CBR4: variants seen among roughly 807,000 people sequenced by gnomAD.
The protein encoded by CBR4 is 3-oxoacyl-[acyl-carrier-protein] reductase.
A neutral mutation model predicts 21.0 loss-of-function variants in CBR4; 22 were observed. The observed-to-expected ratio is 1.05, with a 90% CI of 0.75 to 1.50. The LOEUF (loss-of-function observed/expected upper bound fraction) is 1.50, where lower values mean the gene tolerates loss of function less well. CBR4 is among the 40% of genes most tolerant of loss of function. CBR4 has a pLI of 0.00. For missense variants in CBR4, 302 were observed against 286.3 expected, an observed-to-expected ratio of 1.05 and a Z score of -0.40; for synonymous variants, 100 against 104.4, an observed-to-expected ratio of 0.96 and a Z score of 0.26.
At chr4:168,943,931 A>AAAAAC (rs1294336459) in intron 2 of CBR4, among the ~76,000 whole-genome samples, 5 of 152,050 alleles carry the variant, frequency 3.3e-5, no homozygotes, top group African/African-American at 1.2e-4. Context: ...AAACAAAAAC[A>AAAAAC]AAAAACAAAA....
chr4:168,959,561 CTTTTTTTTTTTT>C (rs750848079), intron 2 of CBR4, among the ~76,000 whole-genome samples: 1 of 50,880 alleles, frequency 2.0e-5, no homozygotes, highest in Non-Finnish European at 4.4e-5. Flanking sequence ...TTATCAATTT[CTTTTTTTTTTTT>C]TTTTTTTTTG....
At chr4:168,915,327 CAG>C (rs1050764133) in intron 2 of CBR4, among the ~76,000 whole-genome samples, 1 of 152,160 alleles carries the variant, frequency 6.6e-6, no homozygotes, top group African/African-American at 2.4e-5. Context: ...TTAAAAGTGA[CAG>C]AGATGCACAG....
chr4:169,006,783 T>C lies in CBR4; in HGVS notation c.372A>G (p.Gln124=). The change falls in exon 3 of 5, where the codon CAA becomes CAG. Residue 124 remains glutamine, a synonymous_variant. Coordinates refer to ENST00000306193, the MANE Select transcript of CBR4 (RefSeq NM_032783.5). ...TCKAAMRTMI[Q]QQGGSIVNVG... ...CATTAACAATAGACCCTCCCTGTTGTTGAATCATAGTCCTCATGGCAGCTT... is the reference window on the plus strand; with the variant it reads ...CATTAACAATAGACCCTCCCTGTTGCTGAATCATAGTCCTCATGGCAGCTT... 1.2e-6 allele frequency: 2 copies of C among 1,614,024 alleles called. No individual in the cohort carries two copies. Among genetic ancestry groups the C allele is most frequent in the Non-Finnish European group, 1.7e-6 (2 of 1,179,884 alleles).
Position 168,894,573 on chromosome 4 carries a change from G to A in CBR4, n.362C>T. On this transcript the variant is annotated non_coding_transcript_exon_variant, in exon 3 of 4. Transcript: ENST00000509108. ...TTTTGTATTTTTTGTGACTTACGTT[G>A]TTTAGAGGTTAACATACGAAGAAAG... 6.3e-7 allele frequency: 1 copy of A among 1,596,022 alleles called. No homozygotes were observed. The highest frequency in any genetic ancestry group is 1.1e-5 in the South Asian group (1 of 90,652).
chr4:168,928,111 T>G (rs962613996), intron 2 of CBR4: 1 of 194,478 alleles, frequency 5.1e-6, no homozygotes, highest in Non-Finnish European at 1.1e-5. Flanking sequence ...TGGCAGATGT[T>G]CTATGCAGTG....
At chr4:168,961,690 G>A (rs973205518) in intron 2 of CBR4, among the ~76,000 whole-genome samples, 10 of 152,146 alleles carry the variant, frequency 6.6e-5, no homozygotes, top group African/African-American at 2.4e-4. Flanking sequence ...AGGAGTTCGC[G>A]ACCAGCCAGG....
chr4:168,923,666 G>GTAAT (rs2126554721), intron 2 of CBR4, among the ~76,000 whole-genome samples: 1 of 151,674 alleles, frequency 6.6e-6, no homozygotes, highest in South Asian at 2.1e-4. Context: ...AGTGGAATTT[G>GTAAT]TAATTTATAG....
At chr4:168,959,513 T>A (rs1485570986) in intron 2 of CBR4, among the ~76,000 whole-genome samples, 4 of 151,874 alleles carry the variant, frequency 2.6e-5, no homozygotes, top group Non-Finnish European at 2.9e-5. Context: ...CTTTGGCTAA[T>A]CTCGGTGGTT....
At chr4:169,002,275 T>G (rs1001440434) in intron 3 of CBR4, 70 bp from the exon 4 acceptor site, 14 of 1,311,690 alleles carry the variant, frequency 1.1e-5, no homozygotes, top group Non-Finnish European at 1.4e-5. Flanking sequence ...CTTGAAAATT[T>G]AGATAATTTA....
At chr4:168,928,322 TTTATA>T (rs1206439433) in intron 2 of CBR4, 13 of 95,062 alleles carry the variant, frequency 1.4e-4, no homozygotes, top group Non-Finnish European at 2.8e-4. Flanking sequence ...TTATATTGTA[TTTATA>T]AAAAAAAAAG....
At chr4:168,964,947 G>A (rs573199563) in intron 2 of CBR4, among the ~76,000 whole-genome samples, 14 of 152,004 alleles carry the variant, frequency 9.2e-5, no homozygotes, top group African/African-American at 3.4e-4. Flanking sequence ...TTTTGTTTTT[G>A]TTTTGGTATC....
chr4:168,934,290 A>C (rs1482939579), intron 2 of CBR4, among the ~76,000 whole-genome samples: 3 of 146,386 alleles, frequency 2.0e-5, no homozygotes, highest in African/African-American at 7.8e-5. Context: ...AACAAAAAAA[A>C]AAAAAAAAAA....
intron 2 of CBR4, among the ~76,000 whole-genome samples, chr4:168,935,039 G>C: frequency 6.6e-6 from 1 of 152,210 alleles, no homozygotes; most frequent in East Asian, 1.9e-4. Context: ...GATCAATGCA[G>C]AAGGCAGGTG....
chr4:168,953,815 T>TA (rs1460920687), intron 2 of CBR4, among the ~76,000 whole-genome samples: 1 of 152,110 alleles, frequency 6.6e-6, no homozygotes, highest in Non-Finnish European at 1.5e-5. Flanking sequence ...GACAGGGATC[T>TA]AAATAATACA....
intron 2 of CBR4, among the ~76,000 whole-genome samples, chr4:168,956,689 C>T (rs1293707228): frequency 6.8e-6 from 1 of 147,904 alleles, no homozygotes; most frequent in African/African-American, 2.5e-5. Flanking sequence ...AGTACCTTAA[C>T]GCTATTTCAT....
rs750223757 is a variant in CBR4, at chr4:168,990,286, T to C, written c.578A>G (p.His193Arg). ...CCCAAGAGGAATATTTTTCTTTAAA[T>C]GTTCTTCTTTCAAGTCTTTCGTCAT... ...TDMTKDLKEEHLKKNIPLGRF... is the reference protein window; with the variant it reads ...TDMTKDLKEERLKKNIPLGRF... Residue 193 changes from histidine to arginine, a missense_variant, in exon 5 of 5, where the codon CAT becomes CGT. Coordinates refer to ENST00000306193, the MANE Select transcript of CBR4 (RefSeq NM_032783.5). 2 of 1,612,026 alleles carry C rather than the reference T, an allele frequency of 1.2e-6. No homozygotes were observed. The highest frequency in any genetic ancestry group is 1.7e-5 in the Admixed American group (1 of 59,780).
chr4:168,909,763 A>G (rs541174805), intron 2 of CBR4, among the ~76,000 whole-genome samples: 2 of 152,324 alleles, frequency 1.3e-5, no homozygotes, highest in African/African-American at 2.4e-5. Flanking sequence ...TGCTAATTCT[A>G]TATGACCTTT....
At chr4:169,003,086 C>T (rs1730596781) in intron 3 of CBR4, among the ~76,000 whole-genome samples, 1 of 152,160 alleles carries the variant, frequency 6.6e-6, no homozygotes, top group African/African-American at 2.4e-5. Context: ...TTCTTCAGCT[C>T]ATGGATCAAG....
At position 168,989,001 on chromosome 4, in the gene CBR4, T is replaced by C; in HGVS notation, c.*1149A>G. ...AAAAGAGTTTAATGCAAAATAATTA[T>C]TACCTGGTATTTCACATTCGGTTTG... On this transcript the variant is annotated 3_prime_UTR_variant, in exon 5 of 5. Transcript: ENST00000306193. 1 of 982,646 alleles carries C rather than the reference T, an allele frequency of 1.0e-6. No individual in the cohort carries two copies. The highest frequency in any genetic ancestry group is 4.7e-5 in the South Asian group (1 of 21,228). The allele number at this position is 982,646 out of a possible 1,614,324, so 60.9% of individuals were successfully genotyped here. A position where few individuals can be genotyped will look rare whatever the true frequency, so the allele number is the denominator to read the frequency against.
Sources: allele counts gnomAD v4.1 joint callset (sites outside exome capture counted in the v4.1 genomes callset), GRCh38; gene constraint gnomAD v4.1.1; transcripts MANE v1.5; gene names NCBI Gene and HGNC (gene_info 2026-07-23, HGNC 2026-07-21).